TPO: variants seen among roughly 807,000 people sequenced by gnomAD.
TPO encodes the protein thyroid peroxidase, also known as thyroid microsomal antigen.
A neutral mutation model predicts 96.9 loss-of-function variants in TPO; 78 were observed. The ratio of observed to expected loss-of-function variants is 0.81; its 90% CI spans 0.67 to 0.97. TPO has a LOEUF of 0.97. TPO is among the 50% of genes least tolerant of loss of function. The pLI is 0.00. For synonymous variants in TPO, 547 were observed against 538.0 expected (o/e 1.02, Z -0.23); for missense variants, 1,252 against 1,274.8 (o/e 0.98, Z 0.27).
intron 15 of TPO, among the ~76,000 whole-genome samples, chr2:1,531,918 C>CA (rs1259790063): frequency 3.5e-5 from 4 of 115,080 alleles, no homozygotes; most frequent in Non-Finnish European, 5.7e-5. Context: ...TCAAATCACC[C>CA]CCACTGTGTG....
intron 3 of TPO, among the ~76,000 whole-genome samples, chr2:1,430,587 C>T (rs1664877393): frequency 6.6e-6 from 1 of 152,218 alleles, no homozygotes; most frequent in Admixed American, 6.5e-5. Context: ...CAGCAGCTTG[C>T]ACTCTGCAAC....
chr2:1,540,679 G>A lies in TPO; in HGVS notation c.2704G>A (p.Val902Ile), dbSNP rs368181428. 56 of 1,613,290 alleles carry A rather than the reference G, an allele frequency of 3.5e-5. No homozygotes were observed. The highest frequency in any genetic ancestry group is 5.3e-5 in the African/African-American group (4 of 74,866). Residue 902 changes from valine to isoleucine, a missense_variant, in exon 16 of 17, where the codon GTA becomes ATA. Transcript: ENST00000329066. ...PELRCGKHQAVGTSPQRAAAQ... is the reference protein window; with the variant it reads ...PELRCGKHQAIGTSPQRAAAQ... ...GCTGAGATGCGGAAAGCACCAGGCC[G>A]TAGGGACCTCACCGCAGCGGGCCGC...
In TPO at chr2:1,456,786, CAT is replaced by C. The variant is rs753566495; in HGVS notation, c.819+514_819+515del. On this transcript the variant is annotated intron_variant, in intron 7 of 16. Transcript: ENST00000329066. ...TAGCATGTATGATACTGTGGGTACA[CAT>C]ATATATATAGCATGTATGATAGTGT... Among the ~76,000 whole-genome samples the C allele has an allele frequency of 1.6e-3, 26 of 16,516 alleles. 4 individuals carry two copies. Among genetic ancestry groups the C allele is most frequent in the African/African-American group, 3.5e-3 (22 of 6,324 alleles). 10.8% of individuals were successfully genotyped at this position (16,516 alleles called of 152,430 possible). A position where few individuals can be genotyped will look rare whatever the true frequency, so the allele number is the denominator to read the frequency against.
At chr2:1,469,882 A>G (rs1669232809) in intron 7 of TPO, among the ~76,000 whole-genome samples, 1 of 152,046 alleles carries the variant, frequency 6.6e-6, no homozygotes, top group African/African-American at 2.4e-5. Context: ...TGGCTTTCCT[A>G]ATGTATTCCT....
chr2:1,375,915 C>T (rs1661715851), intron 1 of TPO, among the ~76,000 whole-genome samples: 1 of 152,128 alleles, frequency 6.6e-6, no homozygotes, highest in African/African-American at 2.4e-5. Context: ...TCACGCACAA[C>T]GAACGTTTCT....
intron 13 of TPO, among the ~76,000 whole-genome samples, chr2:1,502,558 T>G (rs1283164925): frequency 2.0e-5 from 3 of 151,990 alleles, no homozygotes; most frequent in Non-Finnish European, 4.4e-5. Context: ...CCCAGCTCAT[T>G]TTTGTATTTT....
upstream of TPO, among the ~76,000 whole-genome samples, chr2:1,412,348 A>C (rs773451860): frequency 7.2e-5 from 11 of 152,128 alleles, no homozygotes; most frequent in Non-Finnish European, 1.0e-4. Context: ...ATCCTCTTTA[A>C]TGAGCCACCG....
At chr2:1,496,340 T>TGGGGCGGGGCGGGGCGGGGCGGGGC (rs370762547) in intron 12 of TPO, 143 bp downstream of exon 12, 2 of 499,442 alleles carry the variant, frequency 4.0e-6, no homozygotes, top group African/African-American at 3.9e-5. Flanking sequence ...GGGCAGCTCC[T>TGGGGCGGGGCGGGGCGGGGCGGGGC]GGGGCGGGGC....
At chr2:1,506,887 A>C (rs1014176526) in intron 14 of TPO, among the ~76,000 whole-genome samples, 1 of 152,016 alleles carries the variant, frequency 6.6e-6, no homozygotes, top group African/African-American at 2.4e-5. Flanking sequence ...TCTTTAGTTT[A>C]ATTAGATCCC....
At chr2:1,522,001 C>T (rs1675323766) in intron 15 of TPO, among the ~76,000 whole-genome samples, 1 of 152,050 alleles carries the variant, frequency 6.6e-6, no homozygotes, top group Admixed American at 6.5e-5. Context: ...TGTGGCCCCA[C>T]TTTCTTCACC....
At chr2:1,506,012 A>G (rs537657457) in intron 14 of TPO, among the ~76,000 whole-genome samples, 20 of 143,406 alleles carry the variant, frequency 1.4e-4, no homozygotes, top group Admixed American at 2.8e-4. Flanking sequence ...CATTTGGTAT[A>G]TCTCCTAATG....
At chr2:1,482,961 G>A (rs552323225) in intron 8 of TPO, among the ~76,000 whole-genome samples, 79 of 152,312 alleles carry the variant, frequency 5.2e-4, no homozygotes, top group African/African-American at 1.7e-3. Flanking sequence ...GATTACAGGC[G>A]CAAGCCACTG....
rs781491056 is a variant in TPO at position 1,477,268 on chromosome 2, G to A, written c.1002G>A (p.Pro334=). The A allele has an allele frequency of 1.1e-5, 18 of 1,603,800 alleles. No individual in the cohort carries two copies. In the East Asian group the frequency reaches 2.5e-4, roughly 22 times the overall value. ...LDASTVYGSS[P]ALERQLRNWT... ...CGTCCACCGTGTATGGCAGCTCCCC[G>A]GCCCTAGAGAGGCAGCTGCGGAACT... Residue 334 remains proline, a synonymous_variant, in exon 8 of 17, where the codon CCG becomes CCA. Coordinates refer to ENST00000329066, the MANE Select transcript of TPO (RefSeq NM_001206744.2).
intron 5 of TPO, among the ~76,000 whole-genome samples, chr2:1,448,836 T>A (rs558141020): frequency 2.0e-5 from 3 of 152,150 alleles, no homozygotes; most frequent in Non-Finnish European, 4.4e-5. Context: ...ACACCCTCGA[T>A]GATGAATGGA....
chr2:1,530,329 ACCT>A (rs1307904200), intron 15 of TPO, among the ~76,000 whole-genome samples: 4 of 134,658 alleles, frequency 3.0e-5, no homozygotes, highest in African/African-American at 1.1e-4. Context: ...ACTGTGAGAA[ACCT>A]CCTCAAATCC....
chr2:1,520,345 G>A (rs964174697), intron 15 of TPO, among the ~76,000 whole-genome samples: 2 of 152,152 alleles, frequency 1.3e-5, no homozygotes, highest in African/African-American at 2.4e-5. Context: ...ATTATTGTGC[G>A]GTGAGGAGTA....
At chr2:1,511,227 A>ACAGCCCTGCAGACTGGGGGTGCCACAGC (rs1464349094) in intron 14 of TPO, among the ~76,000 whole-genome samples, 2 of 124,532 alleles carry the variant, frequency 1.6e-5, no homozygotes, top group African/African-American at 2.9e-5. Flanking sequence ...GTGCCACAGC[A>ACAGCCCTGCAGACTGGGGGTGCCACAGC]AAGCCCTGCA....
chr2:1,447,870 T>C (rs573773887), intron 5 of TPO, among the ~76,000 whole-genome samples: 1 of 152,120 alleles, frequency 6.6e-6, no homozygotes, highest in Non-Finnish European at 1.5e-5. Context: ...CTCTTACCAT[T>C]ATGTATACAA....
chr2:1,530,867 G>T (rs1677975370), intron 15 of TPO, among the ~76,000 whole-genome samples: 1 of 99,994 alleles, frequency 1.0e-5, no homozygotes, highest in Non-Finnish European at 2.0e-5. Context: ...CCCACTGTGT[G>T]CAACCTCCGC....
Sources: gnomAD v4.1 joint callset for allele counts (sites outside exome capture counted in the v4.1 genomes callset) on GRCh38, gnomAD v4.1.1 for gene constraint, MANE v1.5 for transcripts, NCBI Gene and HGNC (gene_info 2026-07-23, HGNC 2026-07-21) for gene names.